Variants in SPON1 observed in about 807,000 individuals in gnomAD.
SPON1 encodes the protein spondin 1, also known as spondin-1.
SPON1 carries 52 observed loss-of-function variants against 111.7 expected under a neutral mutation model. That is an observed-to-expected ratio of 0.47 (90% CI 0.37 to 0.59). SPON1 has a LOEUF of 0.59. Ranked by LOEUF, SPON1 falls within the 20% of genes least tolerant of loss-of-function variation. The probability of loss-of-function intolerance (pLI) is 0.00; values close to 1 mark genes in which losing one functional copy is unlikely to be tolerated. For missense variants in SPON1, 957 were observed against 1,068.5 expected (o/e 0.90, Z 1.46); for synonymous variants, 410 against 395.8 (o/e 1.04, Z -0.43).
rs551861528 is a variant in SPON1 at position 13,974,536 on chromosome 11, G to A, written c.239-8311G>A. Among the ~76,000 whole-genome samples the A allele has an allele frequency of 2.6e-5, 4 of 152,280 alleles. No individual in the cohort carries two copies. The South Asian group carries it at 8.3e-4, about 32-fold the overall frequency. On this transcript the variant is annotated intron_variant, in intron 1 of 15. Coordinates refer to ENST00000576479, the MANE Select transcript of SPON1 (RefSeq NM_006108.4). ...CACCAACATTTGAAAGACCCAGAAA[G>A]CTATTTGGTAATTAGGTAGGGTAAG... is the stretch of plus-strand genomic sequence containing the variant.
Position 14,135,468 on chromosome 11 carries a change from A to G in SPON1, c.725A>G (p.Asn242Ser). 6.2e-7 allele frequency: 1 copy of G among 1,613,776 alleles called. No homozygotes were observed. Among genetic ancestry groups the G allele is most frequent in the Non-Finnish European group, 8.5e-7 (1 of 1,179,732 alleles). The change falls in exon 6 of 16, where the codon AAT becomes AGT. Residue 242 changes from asparagine (N) to serine (S), a missense_variant. By Grantham distance (46) the Asn-to-Ser change is conservative (BLOSUM62 1). Coordinates refer to ENST00000576479, the MANE Select transcript of SPON1 (RefSeq NM_006108.4). The surrounding 1 kb of genome is among the most constrained non-coding windows in gnomAD (Gnocchi z 4.4). ...SAIIGGSHSK[N>S]YVLWEYGGYA... ...ATCATCGGAGGATCCCACTCCAAGA[A>G]TTATGTACTGTGGGAATATGGAGGA...
At chr11:14,098,802 T>A (rs1258857516) in intron 5 of SPON1, among the ~76,000 whole-genome samples, 1 of 152,200 alleles carries the variant, frequency 6.6e-6, no homozygotes. Context: ...TGCATCTGGC[T>A]TTGAATCTGG....
intron 6 of SPON1, among the ~76,000 whole-genome samples, chr11:14,181,651 G>A (rs868964415): frequency 7.2e-5 from 11 of 152,198 alleles, no homozygotes; most frequent in Non-Finnish European, 1.2e-4. Flanking sequence ...ACTCTTCCAT[G>A]TAGAAGCCAC....
intron 3 of SPON1, among the ~76,000 whole-genome samples, chr11:14,043,987 T>A (rs1414868465): frequency 6.6e-6 from 1 of 152,168 alleles, no homozygotes; most frequent in Non-Finnish European, 1.5e-5. Context: ...AACCAATGCT[T>A]TCTGTGTACC....
chr11:14,024,109 C>T (rs1381348193), intron 2 of SPON1, among the ~76,000 whole-genome samples: 1 of 152,080 alleles, frequency 6.6e-6, no homozygotes, highest in East Asian at 1.9e-4. Context: ...GTACTCAAAC[C>T]CCTAAAGGGA....
intron 2 of SPON1, among the ~76,000 whole-genome samples, chr11:14,034,899 T>G (rs1848583151): frequency 6.6e-6 from 1 of 152,200 alleles, no homozygotes; most frequent in Non-Finnish European, 1.5e-5. Context: ...TCCCAAGGAT[T>G]TTAAAGATTT....
chr11:14,159,015 A>T (rs1182157773), intron 6 of SPON1, among the ~76,000 whole-genome samples: 1 of 152,048 alleles, frequency 6.6e-6, no homozygotes, highest in Admixed American at 6.6e-5. Flanking sequence ...CTTAATTTAT[A>T]TTGGGAAATA....
chr11:14,253,959 C>T (rs1849079488), intron 7 of SPON1, among the ~76,000 whole-genome samples: 1 of 152,196 alleles, frequency 6.6e-6, no homozygotes, highest in Admixed American at 6.5e-5. Context: ...CTGTGTGACA[C>T]AAAGAGAGAG....
At chr11:14,241,394 C>T (rs1033545591) in intron 6 of SPON1, among the ~76,000 whole-genome samples, 2 of 152,066 alleles carry the variant, frequency 1.3e-5, no homozygotes, top group Non-Finnish European at 2.9e-5. Context: ...AGACAGATAC[C>T]GTCAGATTTG....
intron 3 of SPON1, among the ~76,000 whole-genome samples, chr11:14,049,114 A>C (rs1478168910): frequency 6.6e-6 from 1 of 152,204 alleles, no homozygotes; most frequent in African/African-American, 2.4e-5. Flanking sequence ...CCAAGGTCAC[A>C]GAGTAAGTGA....
chr11:14,075,715 C>G (rs1233332961), intron 4 of SPON1, among the ~76,000 whole-genome samples: 3 of 152,148 alleles, frequency 2.0e-5, no homozygotes, highest in Admixed American at 6.5e-5. Context: ...GAATAATTCA[C>G]AGGACTTAAT....
At position 14,160,729 on chromosome 11, in the gene SPON1, ATATATATTTAATT is replaced by A. The variant is rs1179808538; in HGVS notation, c.825+25169_825+25181del. 4.1e-4 allele frequency among the ~76,000 whole-genome samples: 5 copies of A among 12,242 alleles called. 1 individual carries two copies. Among genetic ancestry groups the A allele is most frequent in the African/African-American group, 2.4e-3 (4 of 1,652 alleles). The allele number at this position is 12,242 out of a possible 152,430, so 8.0% of individuals were successfully genotyped here. On this transcript the variant is annotated intron_variant, in intron 6 of 15. Transcript: ENST00000576479. ...TATATTTATATATATTTATATATTTATATATATTTAATTTATATATATTTATATATATTTATAT... is the reference window on the plus strand; with the variant it reads ...TATATTTATATATATTTATATATTTATATATATATTTATATATATTTATAT...
intron 6 of SPON1, among the ~76,000 whole-genome samples, chr11:14,156,869 C>T (rs1288229985): frequency 2.6e-5 from 4 of 152,272 alleles, no homozygotes; most frequent in South Asian, 4.1e-4. Context: ...TTTTAAACAA[C>T]CAAATCTCTG....
intron 6 of SPON1, among the ~76,000 whole-genome samples, chr11:14,234,602 C>T (rs563852243): frequency 1.3e-5 from 2 of 152,324 alleles, no homozygotes; most frequent in South Asian, 2.1e-4. Flanking sequence ...CACAGAAGGT[C>T]ATAGGGTGAT....
intron 2 of SPON1, among the ~76,000 whole-genome samples, chr11:14,005,353 A>T (rs1848351298): frequency 6.6e-6 from 1 of 152,204 alleles, no homozygotes; most frequent in Admixed American, 6.5e-5. Flanking sequence ...GAACAAGATC[A>T]TCCCCATTGA....
intron 7 of SPON1, among the ~76,000 whole-genome samples, chr11:14,247,532 C>G (rs937939960): frequency 3.9e-5 from 6 of 152,184 alleles, no homozygotes; most frequent in Non-Finnish European, 8.8e-5. Flanking sequence ...GTGAGGGGGG[C>G]TACTTCAGAA....
At chr11:14,257,687 AG>A (rs1554941362) in intron 10 of SPON1, 28 bp from the exon 11 acceptor site, 1 of 1,569,664 alleles carries the variant, frequency 6.4e-7, no homozygotes, top group South Asian at 1.2e-5. Context: ...ATAGGTTCCC[AG>A]GGAAAACATG....
intron 6 of SPON1, among the ~76,000 whole-genome samples, chr11:14,148,192 T>C (rs567423140): frequency 1.5e-4 from 23 of 152,322 alleles, no homozygotes; most frequent in African/African-American, 5.1e-4. Context: ...AAATATGAGA[T>C]TTTGATATTA....
At chr11:13,967,686 T>C (rs1848029221) in intron 1 of SPON1, among the ~76,000 whole-genome samples, 2 of 152,210 alleles carry the variant, frequency 1.3e-5, no homozygotes, top group African/African-American at 4.8e-5. Flanking sequence ...TTAAATAAAC[T>C]ATTTCCTGGA....
Sources: allele counts gnomAD v4.1 joint callset (sites outside exome capture counted in the v4.1 genomes callset), GRCh38; gene constraint gnomAD v4.1.1; non-coding constraint Gnocchi (gnomAD v3.1); transcripts MANE v1.5; gene names NCBI Gene and HGNC (gene_info 2026-07-23, HGNC 2026-07-21).